ERC2: variants seen among roughly 807,000 people sequenced by gnomAD.
ERC2 encodes the protein ELKS/RAB6-interacting/CAST family member 2.
Under a neutral mutation model 114.8 loss-of-function variants are expected in ERC2, and 42 were observed. The observed-to-expected ratio is 0.37, with a 90% CI of 0.29 to 0.47. ERC2 has a LOEUF of 0.47. ERC2 is among the 20% of genes least tolerant of loss of function. ERC2 has a pLI of 0.99. For synonymous variants in ERC2, 454 were observed against 425.5 expected (o/e 1.07, Z -0.82); for missense variants, 939 against 1,150.7 (o/e 0.82, Z 2.66).
chr3:56,005,902 A>C (rs1189035707), intron 10 of ERC2, among the ~76,000 whole-genome samples: 1 of 152,076 alleles, frequency 6.6e-6, no homozygotes, highest in Non-Finnish European at 1.5e-5. Context: ...TCAGGAATGT[A>C]TGTCATATAC....
chr3:56,212,763 T>TGTGC (rs1179218715), intron 3 of ERC2, among the ~76,000 whole-genome samples: 2 of 151,154 alleles, frequency 1.3e-5, no homozygotes, highest in African/African-American at 2.4e-5. Flanking sequence ...TGTGTGTGTG[T>TGTGC]GCACCAAAAT....
chr3:55,841,540 T>C (rs1265575680), intron 14 of ERC2, among the ~76,000 whole-genome samples: 2 of 152,178 alleles, frequency 1.3e-5, no homozygotes, highest in African/African-American at 2.4e-5. Context: ...AATAGAGTAA[T>C]ACACTGGCAA....
In ERC2 at chr3:55,608,557, C is replaced by T. The variant is rs1276239697; in HGVS notation, c.*39+75237G>A. Among the ~76,000 whole-genome samples the T allele has an allele frequency of 2.0e-5, 3 of 152,318 alleles. No homozygotes were observed. The East Asian group carries it at 5.8e-4, about 29-fold the overall frequency. ...GCCGCGATCAGCCCCGGCACTACCT[C>T]ATGCAAGATAATCATCCCCAAATCA... On this transcript the variant is annotated intron_variant, in intron 17 of 17. Transcript: ENST00000288221.
chr3:55,885,741 C>T (rs576804816), intron 14 of ERC2, among the ~76,000 whole-genome samples: 1 of 152,266 alleles, frequency 6.6e-6, no homozygotes, highest in South Asian at 2.1e-4. Flanking sequence ...GACATATTTT[C>T]ATTGGCTGAT....
chr3:55,827,301 GA>G (rs1455975269), intron 14 of ERC2, among the ~76,000 whole-genome samples: 2 of 137,946 alleles, frequency 1.4e-5, no homozygotes, highest in African/African-American at 5.9e-5. Flanking sequence ...AAAAGGAAGA[GA>G]AAGAAAGAAA....
At chr3:56,340,581 T>TTGTGTGTGAGAGAGAGAGAGAGAGTG (rs2058051514) in intron 2 of ERC2, among the ~76,000 whole-genome samples, 1 of 151,458 alleles carries the variant, frequency 6.6e-6, no homozygotes, top group Non-Finnish European at 1.5e-5. Context: ...TGTGTGTGTT[T>TTGTGTGTGAGAGAGAGAGAGAGAGTG]AATCTCACTA....
At chr3:56,207,116 CTA>C (rs1297795829) in intron 3 of ERC2, among the ~76,000 whole-genome samples, 1 of 151,566 alleles carries the variant, frequency 6.6e-6, no homozygotes, top group Non-Finnish European at 1.5e-5. Context: ...TTTAGAGACT[CTA>C]ATATGTTTGC....
intron 17 of ERC2, among the ~76,000 whole-genome samples, chr3:55,560,582 A>G (rs1354597172): frequency 6.6e-6 from 1 of 152,142 alleles, no homozygotes; most frequent in Non-Finnish European, 1.5e-5. Context: ...GCCATCTTGG[A>G]TGCTCCAACC....
At chr3:56,163,297 TC>T (rs2082150872) in intron 4 of ERC2, among the ~76,000 whole-genome samples, 1 of 152,154 alleles carries the variant, frequency 6.6e-6, no homozygotes, top group Admixed American at 6.6e-5. Context: ...ATGTGGTTGA[TC>T]TTGGAGTATG....
chr3:55,833,536 C>A (rs937971886), intron 14 of ERC2, among the ~76,000 whole-genome samples: 46 of 152,204 alleles, frequency 3.0e-4, no homozygotes, highest in African/African-American at 6.0e-4. Context: ...GAGAAATAAA[C>A]TCCTTTACAG....
intron 14 of ERC2, among the ~76,000 whole-genome samples, chr3:55,868,419 A>C (rs2062424777): frequency 6.6e-6 from 1 of 152,344 alleles, no homozygotes; most frequent in East Asian, 1.9e-4. Flanking sequence ...TTCTGGTGCC[A>C]TTGAGGCCGA....
chr3:56,065,209 A>G (rs541413417), intron 7 of ERC2, among the ~76,000 whole-genome samples: 66 of 151,484 alleles, frequency 4.4e-4, no homozygotes, highest in African/African-American at 1.6e-3. Context: ...CATCATCAAG[A>G]CTCCCATTAT....
At chr3:56,184,792 C>T (rs2083489657) in intron 3 of ERC2, among the ~76,000 whole-genome samples, 1 of 152,096 alleles carries the variant, frequency 6.6e-6, no homozygotes, top group Admixed American at 6.6e-5. Context: ...TGATAGAACC[C>T]CACTCATTTT....
intron 14 of ERC2, among the ~76,000 whole-genome samples, chr3:55,747,325 T>G (rs2066371214): frequency 6.6e-6 from 1 of 151,770 alleles, no homozygotes; most frequent in Admixed American, 6.6e-5. Flanking sequence ...TTTAAAGAGG[T>G]CATTTAATGG....
chr3:56,152,425 G>T (rs576510264), intron 4 of ERC2, among the ~76,000 whole-genome samples: 2 of 151,912 alleles, frequency 1.3e-5, no homozygotes, highest in East Asian at 1.9e-4. Context: ...GAAGGGGGGG[G>T]GGCGCTAAAT....
chr3:55,903,669 T>C (rs2149349481), intron 13 of ERC2, among the ~76,000 whole-genome samples: 1 of 152,316 alleles, frequency 6.6e-6, no homozygotes, highest in Middle Eastern at 3.4e-3. Context: ...TCAGAAACCT[T>C]AAAGGCACCT....
intron 13 of ERC2, among the ~76,000 whole-genome samples, chr3:55,948,986 T>C (rs1044154551): frequency 1.3e-5 from 2 of 152,204 alleles, no homozygotes; most frequent in Non-Finnish European, 2.9e-5. Context: ...CTCTCACAAC[T>C]ACTCTGGAGC....
intron 3 of ERC2, among the ~76,000 whole-genome samples, chr3:56,217,367 T>C (rs1222003183): frequency 6.6e-6 from 1 of 152,112 alleles, no homozygotes; most frequent in Non-Finnish European, 1.5e-5. Context: ...GAGAGCCAAA[T>C]CATGAGTGAA....
chr3:55,952,171 ACACACACACTCTCTCTCTCT>A (rs2067593924), intron 12 of ERC2, among the ~76,000 whole-genome samples: 1 of 60,064 alleles, frequency 1.7e-5, no homozygotes, highest in Non-Finnish European at 3.6e-5. Flanking sequence ...ACACACACAC[ACACACACACTCTCTCTCTCT>A]CTCTCTCTAT....
Sources: gnomAD v4.1 joint callset for allele counts (sites outside exome capture counted in the v4.1 genomes callset) on GRCh38, gnomAD v4.1.1 for gene constraint, MANE v1.5 for transcripts, NCBI Gene and HGNC (gene_info 2026-07-23, HGNC 2026-07-21) for gene names.